TLL1: variants seen among roughly 807,000 people sequenced by gnomAD.
TLL1 encodes tolloid-like protein 1.
In TLL1, 49 loss-of-function variants were observed where a neutral mutation model predicts 128.2. The ratio of observed to expected loss-of-function variants is 0.38; its 90% CI spans 0.30 to 0.48. TLL1 has a LOEUF of 0.48. TLL1 is among the 20% of genes least tolerant of loss of function. TLL1 has a pLI of 0.96. For missense variants in TLL1, 1,123 were observed against 1,242.0 expected, an observed-to-expected ratio of 0.90 and a Z score of 1.44; for synonymous variants, 454 against 418.8, an observed-to-expected ratio of 1.08 and a Z score of -1.03.
At chr4:165,912,065 C>T (rs78547156) in intron 1 of TLL1, among the ~76,000 whole-genome samples, 3 of 152,126 alleles carry the variant, frequency 2.0e-5, no homozygotes, top group Admixed American at 6.6e-5. Context: ...TTAGTAGAGA[C>T]GAGGTTTCAC....
chr4:165,995,019 T>G, intron 4 of TLL1, 42 bp from the exon 5 acceptor site: 1 of 1,535,064 alleles, frequency 6.5e-7, no homozygotes, highest in South Asian at 1.1e-5. Flanking sequence ...GCATTCTTCC[T>G]GGGGATGCCA....
At chr4:165,887,562 G>T (rs879231353) in intron 1 of TLL1, among the ~76,000 whole-genome samples, 16 of 152,160 alleles carry the variant, frequency 1.1e-4, no homozygotes, top group African/African-American at 3.1e-4. Context: ...AATTGAATTT[G>T]GTTTTGAGAA....
intron 1 of TLL1, among the ~76,000 whole-genome samples, chr4:165,891,674 A>G (rs993738864): frequency 2.6e-5 from 4 of 152,102 alleles, no homozygotes; most frequent in African/African-American, 4.8e-5. Flanking sequence ...CCTGGACTTC[A>G]TTGTCCATAT....
chr4:166,023,910 G>A (rs954402365), intron 8 of TLL1, among the ~76,000 whole-genome samples: 6 of 148,632 alleles, frequency 4.0e-5, no homozygotes, highest in African/African-American at 1.6e-4. Flanking sequence ...GTTAATTATA[G>A]GTTTGGTTTT....
intron 14 of TLL1, among the ~76,000 whole-genome samples, chr4:166,057,716 A>C (rs899126938): frequency 6.6e-6 from 1 of 152,170 alleles, no homozygotes; most frequent in African/African-American, 2.4e-5. Context: ...AAGAAGAGCA[A>C]AGGCACGTCG....
chr4:165,919,813 A>G (rs1326119760), intron 1 of TLL1: 1 of 456,142 alleles, frequency 2.2e-6, no homozygotes, highest in Non-Finnish European at 4.4e-6. Context: ...CTGGGATACT[A>G]CTGTGCTTCT....
At chr4:165,939,655 A>T (rs113685534) in intron 1 of TLL1, among the ~76,000 whole-genome samples, 21 of 151,866 alleles carry the variant, frequency 1.4e-4, no homozygotes, top group Admixed American at 5.9e-4. Context: ...TTACTGTAAG[A>T]TTCATTCTTC....
intron 1 of TLL1, among the ~76,000 whole-genome samples, chr4:165,883,918 G>A (rs976752413): frequency 3.9e-5 from 6 of 152,066 alleles, no homozygotes; most frequent in East Asian, 1.9e-4. Flanking sequence ...TTCAATTCAC[G>A]TTGACTAAAG....
intron 1 of TLL1, among the ~76,000 whole-genome samples, chr4:165,959,652 C>A (rs1734996712): frequency 6.6e-6 from 1 of 152,028 alleles, no homozygotes; most frequent in Admixed American, 6.6e-5. Flanking sequence ...ACTCTTGGAC[C>A]ACAGTGCAAT....
chr4:165,903,585 G>A (rs1450492580), intron 1 of TLL1, among the ~76,000 whole-genome samples: 1 of 151,350 alleles, frequency 6.6e-6, no homozygotes, highest in Admixed American at 6.6e-5. Flanking sequence ...ACTAATTTTT[G>A]TATTTTTAGT....
At chr4:165,959,289 A>G (rs1056785707) in intron 1 of TLL1, among the ~76,000 whole-genome samples, 21 of 152,120 alleles carry the variant, frequency 1.4e-4, no homozygotes, top group Non-Finnish European at 2.9e-4. Flanking sequence ...TTGAATCTAT[A>G]AATTACCTTG....
chr4:166,045,162 G>T (rs1285220709), intron 12 of TLL1, among the ~76,000 whole-genome samples: 1 of 152,082 alleles, frequency 6.6e-6, no homozygotes. Context: ...TTTATTTATT[G>T]TCTCTAGTTT....
Position 166,044,272 on chromosome 4 carries a change from G to A in TLL1, c.1524+853G>A. ...CACTAAGTGATCAGAAGGTAGTCAT[G>A]AGCCCTACTACCCAGTGGGTAGTAA... On this transcript the variant is annotated intron_variant, in intron 12 of 20. Coordinates refer to ENST00000061240, the MANE Select transcript of TLL1 (RefSeq NM_012464.5). The A allele has an allele frequency of 4.0e-6, 4 of 1,001,780 alleles. No homozygotes were observed. In the South Asian group the frequency reaches 4.6e-5, roughly 11 times the overall value. The allele number at this position is 1,001,780 out of a possible 1,614,324, so 62.1% of individuals were successfully genotyped here.
At chr4:165,951,107 A>T (rs1026711559) in intron 1 of TLL1, among the ~76,000 whole-genome samples, 1 of 152,172 alleles carries the variant, frequency 6.6e-6, no homozygotes, top group Non-Finnish European at 1.5e-5. Flanking sequence ...AAAAAATGGA[A>T]AACTATGAAA....
rs986260678 is a variant in TLL1 at position 165,956,646 on chromosome 4, TCAAACA to T, written c.170-32732_170-32727del. On this transcript the variant is annotated intron_variant, in intron 1 of 20. Coordinates refer to ENST00000061240, the MANE Select transcript of TLL1 (RefSeq NM_012464.5). Reference sequence around the variant, plus strand: ...TCAAGGTGCACTGATTTCATATTGTTCAAACACACGTTTTACAATCAATTTGTACAG... The same window carrying T: ...TCAAGGTGCACTGATTTCATATTGTTCACGTTTTACAATCAATTTGTACAG... 4.0e-5 allele frequency among the ~76,000 whole-genome samples: 6 copies of T among 149,332 alleles called. No individual in the cohort carries two copies. In the South Asian group the frequency reaches 1.3e-3, roughly 31 times the overall value.
intron 1 of TLL1, among the ~76,000 whole-genome samples, chr4:165,946,854 A>G (rs1734272669): frequency 6.6e-6 from 1 of 152,102 alleles, no homozygotes; most frequent in East Asian, 1.9e-4. Flanking sequence ...TCTGATGAGG[A>G]CTTAAAAGGG....
intron 12 of TLL1, among the ~76,000 whole-genome samples, chr4:166,052,326 C>T (rs929980750): frequency 2.6e-5 from 4 of 152,112 alleles, no homozygotes; most frequent in Admixed American, 1.3e-4. Flanking sequence ...GATGGAGTCT[C>T]AGTCTGTTGC....
chr4:166,022,332 G>T (rs1738280610), intron 8 of TLL1, among the ~76,000 whole-genome samples: 1 of 151,906 alleles, frequency 6.6e-6, no homozygotes, highest in Non-Finnish European at 1.5e-5. Flanking sequence ...CATCTGGCTA[G>T]TTTTTGTATT....
At chr4:166,081,284 G>A (rs1008208952) in intron 18 of TLL1, among the ~76,000 whole-genome samples, 1 of 152,064 alleles carries the variant, frequency 6.6e-6, no homozygotes, top group Non-Finnish European at 1.5e-5. Context: ...TACCTTTGTC[G>A]TAGGGGTGGC....
Sources: gnomAD v4.1 joint callset for allele counts (sites outside exome capture counted in the v4.1 genomes callset) on GRCh38, gnomAD v4.1.1 for gene constraint, MANE v1.5 for transcripts, NCBI Gene and HGNC (gene_info 2026-07-23, HGNC 2026-07-21) for gene names.